CCDC150: variants seen among roughly 807,000 people sequenced by gnomAD.
The protein encoded by CCDC150 is coiled-coil domain containing 150, also known as coiled-coil domain-containing protein 150.
A neutral mutation model predicts 156.5 loss-of-function variants in CCDC150; 151 were observed. That is an observed-to-expected ratio of 0.97 (90% CI 0.85 to 1.10). The LOEUF is 1.10. CCDC150 is among the 50% of genes least tolerant of loss of function. The pLI is 0.00. For synonymous variants in CCDC150, 452 were observed against 429.4 expected (o/e 1.05, Z -0.65); for missense variants, 1,312 against 1,268.1 (o/e 1.03, Z -0.53).
chr2:196,727,146 C>G (rs1327287651), intron 22 of CCDC150: 1 of 152,250 alleles, frequency 6.6e-6, no homozygotes, highest in Non-Finnish European at 1.5e-5. Context: ...CGGCTCATGC[C>G]TGTAATCCCT....
In CCDC150 at chr2:196,677,289, G is replaced by T; in HGVS notation, c.1441-4G>T. 6.4e-7 allele frequency: 1 copy of T among 1,562,482 alleles called. No individual in the cohort carries two copies. Among genetic ancestry groups the T allele is most frequent in the South Asian group, 1.2e-5 (1 of 84,722 alleles). On this transcript the variant is annotated splice_region_variant and splice_polypyrimidine_tract_variant and intron_variant, in intron 12 of 27. Transcript: ENST00000389175. ...TCCTTTTTTTTCCCATCCTCCTTGG[G>T]CAGGTTAATAAAACAGAAAAAGAAA... is the stretch of plus-strand genomic sequence containing the variant.
chr2:196,644,868 A>G (rs1014502495), intron 1 of CCDC150, among the ~76,000 whole-genome samples: 2 of 152,038 alleles, frequency 1.3e-5, no homozygotes, highest in East Asian at 3.9e-4. Context: ...TAATGCCAGC[A>G]CTTTGGGAGA....
chr2:196,646,756 C>T (rs1282654979), intron 2 of CCDC150, among the ~76,000 whole-genome samples: 1 of 152,010 alleles, frequency 6.6e-6, no homozygotes, highest in Non-Finnish European at 1.5e-5. Flanking sequence ...GTATTCTGTT[C>T]ACTTGATTAA....
intron 13 of CCDC150, among the ~76,000 whole-genome samples, chr2:196,691,739 G>A (rs983194830): frequency 2.6e-5 from 4 of 152,068 alleles, no homozygotes; most frequent in African/African-American, 9.7e-5. Context: ...TCAGGAGTTT[G>A]AGATCAGCCT....
rs562632520 is a variant in CCDC150, at chr2:196,678,343, A to G, written c.1509+982A>G. ...GCCCAAGTAGCATTTGTATTACCAT[A>G]TATACATGTAAACTTTTAATTTAAG... On this transcript the variant is annotated intron_variant, in intron 13 of 27. Transcript: ENST00000389175. 6.6e-5 allele frequency among the ~76,000 whole-genome samples: 10 copies of G among 152,312 alleles called. No homozygotes were observed. In the East Asian group the frequency reaches 1.2e-3, roughly 18 times the overall value.
At chr2:196,696,867 C>T (rs1695860087) in intron 14 of CCDC150, among the ~76,000 whole-genome samples, 1 of 152,146 alleles carries the variant, frequency 6.6e-6, no homozygotes, top group Non-Finnish European at 1.5e-5. Flanking sequence ...TTTGGAGATA[C>T]ACATGACTGT....
At chr2:196,663,593 G>C (rs577786765) in intron 5 of CCDC150, among the ~76,000 whole-genome samples, 1 of 152,166 alleles carries the variant, frequency 6.6e-6, no homozygotes, top group East Asian at 1.9e-4. Flanking sequence ...CTACTCACAA[G>C]TATGTTCAGG....
intron 8 of CCDC150, among the ~76,000 whole-genome samples, chr2:196,671,851 T>C (rs1429689385): frequency 6.6e-6 from 1 of 152,248 alleles, no homozygotes; most frequent in Admixed American, 6.5e-5. Context: ...TTAAAGCTGC[T>C]ATAAGTATCT....
Position 196,730,938 on chromosome 2 carries a change from C to G in CCDC150, c.3062C>G (p.Ser1021Ter). 1 of 1,594,818 alleles carries G rather than the reference C, an allele frequency of 6.3e-7. No homozygotes were observed. Among genetic ancestry groups the G allele is most frequent in the Non-Finnish European group, 8.5e-7 (1 of 1,170,478 alleles). ...ACGCTGAAAGAAGCCAGTGTGGAAT[C>G]AGAACAGGTGAGCCAGACCCACGGA... ...ENTLKEASVE[S>*]EQITANLEEA... The change falls in exon 26 of 28, where the codon TCA becomes TGA. Residue 1021 changes from serine (S) to a stop codon, truncating the protein, a stop_gained. Coordinates refer to ENST00000389175, the MANE Select transcript of CCDC150 (RefSeq NM_001080539.2). LOFTEE classifies it high-confidence loss of function.
chr2:196,683,392 ATGT>A (rs2125629581), intron 13 of CCDC150, among the ~76,000 whole-genome samples: 1 of 151,990 alleles, frequency 6.6e-6, no homozygotes, highest in South Asian at 2.1e-4. Context: ...TCCTTTTTAT[ATGT>A]TGTTGCATTA....
rs1011625324 is a variant in CCDC150 at position 196,671,584 on chromosome 2, C to A, written c.937-761C>A. 9.9e-5 allele frequency among the ~76,000 whole-genome samples: 12 copies of A among 120,670 alleles called. No homozygotes were observed. In the South Asian group the frequency reaches 4.0e-3, roughly 40 times the overall value. The allele number at this position is 120,670 out of a possible 152,430, so 79.2% of individuals were successfully genotyped here. A position where few individuals can be genotyped will look rare whatever the true frequency, so the allele number is the denominator to read the frequency against. ...TTGGGATTACAAGTGCCCTCCACCA[C>A]GCCTGGCTAATTTTTGTATTTTTTA... is the stretch of plus-strand genomic sequence containing the variant. On this transcript the variant is annotated intron_variant, in intron 8 of 27. Coordinates refer to ENST00000389175, the MANE Select transcript of CCDC150 (RefSeq NM_001080539.2).
intron 13 of CCDC150, among the ~76,000 whole-genome samples, chr2:196,685,884 G>A (rs1695098618): frequency 1.3e-5 from 2 of 152,128 alleles, no homozygotes; most frequent in African/African-American, 4.8e-5. Context: ...AAAGTGCTGG[G>A]ATTATAGGTG....
chr2:196,673,094 T>C (rs1490446503), intron 9 of CCDC150, among the ~76,000 whole-genome samples: 1 of 152,162 alleles, frequency 6.6e-6, no homozygotes, highest in East Asian at 1.9e-4. Flanking sequence ...ATAAAATGAA[T>C]GTGTTTTTAA....
At chr2:196,653,454 G>A (rs1328049083) in intron 2 of CCDC150, among the ~76,000 whole-genome samples, 2 of 152,116 alleles carry the variant, frequency 1.3e-5, no homozygotes, top group South Asian at 2.1e-4. Context: ...TTAAGGGCAC[G>A]GACACAGTGC....
At chr2:196,687,981 A>T (rs182147640) in intron 13 of CCDC150, among the ~76,000 whole-genome samples, 1 of 152,214 alleles carries the variant, frequency 6.6e-6, no homozygotes, top group East Asian at 1.9e-4. Flanking sequence ...TACCAGTACC[A>T]TGCATGCTGT....
At chr2:196,668,295 TAA>T (rs55945331) in intron 7 of CCDC150, among the ~76,000 whole-genome samples, 50,475 of 92,850 alleles carry the variant, frequency 0.54, 13,865 homozygotes, top group East Asian at 0.76. Context: ...AAACTCCATC[TAA>T]AAAAAAAAAA....
Position 196,663,564 on chromosome 2 carries a change from C to T in CCDC150, c.646-2003C>T, listed in dbSNP as rs538708531. ...TAGGAATTTATCTTAATGAAATAAT[C>T]AGAAATGTAAGGAAAGATCTACTCA... On this transcript the variant is annotated intron_variant, in intron 5 of 27. Coordinates refer to ENST00000389175, the MANE Select transcript of CCDC150 (RefSeq NM_001080539.2). Among the ~76,000 whole-genome samples, 4 of 151,892 alleles carry T rather than the reference C, an allele frequency of 2.6e-5. No individual in the cohort carries two copies. In the South Asian group the frequency reaches 8.3e-4, roughly 32 times the overall value.
chr2:196,663,200 A>G (rs533995141), intron 5 of CCDC150, among the ~76,000 whole-genome samples: 2 of 152,326 alleles, frequency 1.3e-5, no homozygotes, highest in East Asian at 1.9e-4. Context: ...TGGTTGCACC[A>G]TTGCACTCAG....
At chr2:196,714,403 T>G (rs1489694274) in intron 17 of CCDC150, among the ~76,000 whole-genome samples, 1 of 152,220 alleles carries the variant, frequency 6.6e-6, no homozygotes, top group Non-Finnish European at 1.5e-5. Context: ...TGGCCCATGC[T>G]TGGCTCCGGG....
Sources: gnomAD v4.1 joint callset for allele counts (sites outside exome capture counted in the v4.1 genomes callset) on GRCh38, gnomAD v4.1.1 for gene constraint, MANE v1.5 for transcripts, NCBI Gene and HGNC (gene_info 2026-07-23, HGNC 2026-07-21) for gene names.